Variants in NCAM1 observed in about 807,000 individuals in gnomAD.
NCAM1 encodes antigen recognized by monoclonal antibody 5.1H11.
In NCAM1, 14 loss-of-function variants were observed where a neutral mutation model predicts 109.8. That is an observed-to-expected ratio of 0.13 (90% confidence interval 0.08 to 0.20). The LOEUF (loss-of-function observed/expected upper bound fraction) is 0.20, where lower values mean the gene tolerates loss of function less well. Among genes scored for constraint, NCAM1 ranks in the 10% least tolerant of loss-of-function variants. NCAM1 has a pLI of 1.00. For synonymous variants in NCAM1, 418 were observed against 442.9 expected (o/e 0.94, Z 0.70); for missense variants, 774 against 1,109.9 (o/e 0.70, Z 4.30).
chr11:113,157,278 G>A (rs536080759), intron 1 of NCAM1, among the ~76,000 whole-genome samples: 1 of 152,220 alleles, frequency 6.6e-6, no homozygotes, highest in Admixed American at 6.5e-5. Context: ...AGAGCACCTA[G>A]GACATTTGAA....
Position 112,961,669 on chromosome 11 carries a change from A to AT in NCAM1, c.52+19dup, listed in dbSNP as rs782014579. ...TGTTTTTCCTGGGAACTGCAGGTAC[A>AT]TTTTTTTTTTTTTTAATTCTCAATC... On this transcript the variant is annotated splice_donor_region_variant and intron_variant, in intron 1 of 19. Transcript: ENST00000316851. The AT allele has an allele frequency of 0.046, 54,425 of 1,175,576 alleles. 166 individuals carry two copies. The highest frequency in any genetic ancestry group is 0.098 in the African/African-American group (6,056 of 61,750). The allele number at this position is 1,175,576 out of a possible 1,614,324, so 72.8% of individuals were successfully genotyped here.
intron 1 of NCAM1, among the ~76,000 whole-genome samples, chr11:113,017,384 T>A (rs1443690888): frequency 2.6e-5 from 4 of 152,210 alleles, no homozygotes; most frequent in Non-Finnish European, 5.9e-5. Context: ...TAGAATGTAT[T>A]TTTGAAGATT....
chr11:113,219,311 C>T (rs538869201), intron 8 of NCAM1, among the ~76,000 whole-genome samples: 2 of 152,286 alleles, frequency 1.3e-5, no homozygotes, highest in South Asian at 4.1e-4. Flanking sequence ...ACCCAGGGCC[C>T]GCTTTTAAAC....
rs1279521897 is a variant in NCAM1 at position 113,016,510 on chromosome 11, G to A, written c.52+54846G>A. Among the ~76,000 whole-genome samples the A allele has an allele frequency of 2.0e-5, 3 of 152,324 alleles. No individual in the cohort carries two copies. In the East Asian group the frequency reaches 5.8e-4, roughly 29 times the overall value. On this transcript the variant is annotated intron_variant, in intron 1 of 19. Coordinates refer to ENST00000316851, the MANE Select transcript of NCAM1 (RefSeq NM_181351.5). ...CCAGCCTTTAGGGTTCTGTATAGTG[G>A]CTTAAGACAGGAATACTTGTCATGC... is the stretch of plus-strand genomic sequence containing the variant.
At chr11:113,138,960 C>T (rs1003627439) in intron 1 of NCAM1, among the ~76,000 whole-genome samples, 1 of 152,176 alleles carries the variant, frequency 6.6e-6, no homozygotes, top group Non-Finnish European at 1.5e-5. Flanking sequence ...TAGCATAGGT[C>T]GATGAGGTTG....
At chr11:113,269,291 G>A (rs1946213010) in intron 17 of NCAM1, among the ~76,000 whole-genome samples, 1 of 152,204 alleles carries the variant, frequency 6.6e-6, no homozygotes, top group Non-Finnish European at 1.5e-5. Flanking sequence ...GGGCACCAGG[G>A]AAGTAAGACA....
intron 1 of NCAM1, among the ~76,000 whole-genome samples, chr11:113,070,752 T>C (rs782809869): frequency 7.2e-5 from 11 of 152,160 alleles, no homozygotes; most frequent in Non-Finnish European, 1.5e-4. Flanking sequence ...GTGGCCTCTA[T>C]ACTCACTATA....
chr11:113,202,645 C>T (rs1944103615), intron 2 of NCAM1, among the ~76,000 whole-genome samples, 192 bp downstream of exon 2: 1 of 152,220 alleles, frequency 6.6e-6, no homozygotes, highest in Non-Finnish European at 1.5e-5. Context: ...AAATCTGCCT[C>T]AACATAGCAA....
chr11:113,179,634 C>T (rs1176231436), intron 1 of NCAM1, among the ~76,000 whole-genome samples: 1 of 152,188 alleles, frequency 6.6e-6, no homozygotes, highest in Non-Finnish European at 1.5e-5. Context: ...CTTTGTGTGC[C>T]TTTTCTATCA....
In NCAM1 at chr11:113,113,981, C is replaced by T. The variant is rs531449089; in HGVS notation, c.53-88398C>T. On this transcript the variant is annotated intron_variant, in intron 1 of 19. Transcript: ENST00000316851. Reference sequence around the variant, plus strand: ...GACATGCTGAGGGACTTGGAAAGGGCTAACAATCTGCTTTTAAACTAGCGA... The same window carrying T: ...GACATGCTGAGGGACTTGGAAAGGGTTAACAATCTGCTTTTAAACTAGCGA... 4.6e-5 allele frequency among the ~76,000 whole-genome samples: 7 copies of T among 152,290 alleles called. No homozygotes were observed. In the East Asian group the frequency reaches 1.4e-3, roughly 29 times the overall value.
intron 1 of NCAM1, among the ~76,000 whole-genome samples, chr11:113,054,363 A>G (rs1487297646): frequency 1.3e-5 from 2 of 152,158 alleles, no homozygotes; most frequent in Admixed American, 1.3e-4. Flanking sequence ...TTACCAACTT[A>G]TAATAAAAGT....
intron 1 of NCAM1, among the ~76,000 whole-genome samples, chr11:113,157,322 T>G (rs1942449930): frequency 6.6e-6 from 1 of 152,228 alleles, no homozygotes; most frequent in Non-Finnish European, 1.5e-5. Context: ...GTTGAGCAGA[T>G]GCACACATCC....
intron 1 of NCAM1, among the ~76,000 whole-genome samples, chr11:113,029,267 A>C (rs1468672846): frequency 2.0e-5 from 3 of 152,234 alleles, no homozygotes; most frequent in Non-Finnish European, 4.4e-5. Flanking sequence ...GGAGGTGAGG[A>C]ATTCAGGAAA....
intron 1 of NCAM1, among the ~76,000 whole-genome samples, chr11:113,154,267 A>G (rs1424636525): frequency 2.0e-5 from 3 of 152,196 alleles, no homozygotes; most frequent in Admixed American, 2.0e-4. Flanking sequence ...ACTAGTTCAA[A>G]AGTTTGGCAG....
intron 1 of NCAM1, among the ~76,000 whole-genome samples, chr11:112,986,242 TG>T (rs1338960581): frequency 6.6e-6 from 1 of 152,010 alleles, no homozygotes; most frequent in Non-Finnish European, 1.5e-5. Flanking sequence ...GAACCATGCT[TG>T]TTTTCGAGGA....
intron 1 of NCAM1, among the ~76,000 whole-genome samples, chr11:113,025,571 C>T (rs1300971107): frequency 6.6e-6 from 1 of 151,932 alleles, no homozygotes; most frequent in Non-Finnish European, 1.5e-5. Context: ...AAATAAAATG[C>T]TGTATGCTCC....
At position 113,204,346 on chromosome 11, in the gene NCAM1, C is replaced by A. The variant is rs782144440; in HGVS notation, c.188C>A (p.Thr63Asn). 7 of 1,613,922 alleles carry A rather than the reference C, an allele frequency of 4.3e-6. No individual in the cohort carries two copies. Among genetic ancestry groups the A allele is most frequent in the Non-Finnish European group, 2.5e-6 (3 of 1,179,852 alleles). The part of the protein sequence containing the change: ...SWFSPNGEKL[T>N]PNQQRISVVW... ...TTCTCCCCCAATGGAGAAAAGCTCA[C>A]CCCAAACCAGCAGCGGATCTCAGTG... Residue 63 changes from threonine (T) to asparagine (N), a missense_variant, in exon 3 of 20, where the codon ACC (threonine) becomes AAC (asparagine). Transcript: ENST00000316851.
intron 1 of NCAM1, among the ~76,000 whole-genome samples, chr11:112,995,687 A>G (rs1158255530): frequency 1.3e-5 from 2 of 152,238 alleles, no homozygotes; most frequent in Non-Finnish European, 2.9e-5. Context: ...AGCTAGCAAT[A>G]GCAAAGATAG....
intron 1 of NCAM1, among the ~76,000 whole-genome samples, chr11:113,014,037 A>C (rs1952145416): frequency 6.6e-6 from 1 of 152,172 alleles, no homozygotes; most frequent in Admixed American, 6.5e-5. Context: ...TTGTTAAGAA[A>C]TAGCTCTCAG....
Sources: gnomAD v4.1 joint callset for allele counts (sites outside exome capture counted in the v4.1 genomes callset) on GRCh38, gnomAD v4.1.1 for gene constraint, MANE v1.5 for transcripts, NCBI Gene and HGNC (gene_info 2026-07-23, HGNC 2026-07-21) for gene names.